CRMP1: variants seen among roughly 807,000 people sequenced by gnomAD.
CRMP1 encodes collapsin response mediator protein 1.
Under a neutral mutation model 68.3 loss-of-function variants are expected in CRMP1, and 19 were observed. That is an observed-to-expected ratio of 0.28 (90% confidence interval 0.19 to 0.41). The LOEUF (loss-of-function observed/expected upper bound fraction) is 0.41, where lower values mean the gene tolerates loss of function less well. Ranked by LOEUF, CRMP1 falls within the 10% of genes least tolerant of loss-of-function variation. The pLI is 1.00. For synonymous variants in CRMP1, 439 were observed against 399.6 expected, an observed-to-expected ratio of 1.10 and a Z score of -1.18; for missense variants, 791 against 967.4, an observed-to-expected ratio of 0.82 and a Z score of 2.42.
chr4:5,825,628 A>G lies in CRMP1; in HGVS notation c.1835T>C (p.Met612Thr). 1 of 1,609,922 alleles carries G rather than the reference A, an allele frequency of 6.2e-7. No homozygotes were observed. The highest frequency in any genetic ancestry group is 1.3e-5 in the African/African-American group (1 of 74,784). The change falls in exon 13 of 14, where the codon ATG becomes ACG. Residue 612 changes from methionine (M) to threonine (T), a missense_variant. Physicochemically the swap from Met to Thr is moderately conservative, Grantham distance 81. Around this residue, in one of 3 missense-constraint regions of CRMP1, gnomAD observed 594 missense variants for 763.6 expected, o/e 0.78. Transcript: ENST00000324989. The surrounding 1 kb of genome is among the most constrained non-coding windows in gnomAD (Gnocchi z 4.4). ...TACCTCGTACACAGGACCGTCATAC[A>G]TGCCCCTGGAAACCCCTTGCAATCC... ...VFGLQGVSRG[M>T]YDGPVYEVPA...
Position 5,891,719 on chromosome 4 carries a change from C to T in CRMP1, c.381+870G>A, listed in dbSNP as rs1715957641. 1.3e-5 allele frequency among the ~76,000 whole-genome samples: 2 copies of T among 152,224 alleles called. No homozygotes were observed. The highest frequency in any genetic ancestry group is 4.8e-5 in the African/African-American group (2 of 41,458). On this transcript the variant is annotated intron_variant, in intron 1 of 13. Coordinates refer to ENST00000324989, the MANE Select transcript of CRMP1 (RefSeq NM_001014809.3). This position sits in a 1 kb window ranked among gnomAD's most constrained non-coding sequence, Gnocchi z 5.2. ...CCGTTTTTCTGGCACCTGACCCTGGCTCTCGTCGGTCCATCCAAAGGCTAC... is the reference window on the plus strand; with the variant it reads ...CCGTTTTTCTGGCACCTGACCCTGGTTCTCGTCGGTCCATCCAAAGGCTAC...
rs566037677 is a variant in CRMP1 at position 5,871,608 on chromosome 4, C to T, written c.382-4852G>A. On this transcript the variant is annotated intron_variant, in intron 1 of 13. Transcript: ENST00000324989. The stretch of plus-strand genomic sequence containing the variant: ...AAGGGAGAAGGAGGTTGCAGTGAGC[C>T]GAGATCGCACCACTGCACTCCAGCC... 4.0e-5 allele frequency among the ~76,000 whole-genome samples: 6 copies of T among 151,864 alleles called. No homozygotes were observed. In the South Asian group the frequency reaches 8.3e-4, roughly 21 times the overall value.
intron 13 of CRMP1, chr4:5,824,940 C>A: frequency 2.0e-6 from 2 of 985,442 alleles, no homozygotes; most frequent in Non-Finnish European, 2.4e-6. Context: ...TGTTCCCACA[C>A]ATTTGTTGAG....
Position 5,841,175 on chromosome 4 carries a change from T to G in CRMP1, c.1153+133A>C. The G allele has an allele frequency of 7.4e-7, 1 of 1,348,706 alleles. No individual in the cohort carries two copies. The highest frequency in any genetic ancestry group is 1.0e-6 in the Non-Finnish European group (1 of 958,898). The allele number at this position is 1,348,706 out of a possible 1,614,324, so 83.5% of individuals were successfully genotyped here. A position where few individuals can be genotyped will look rare whatever the true frequency, so the allele number is the denominator to read the frequency against. ...AAGAATTCCAGCCACCATCCTTGTG[T>G]CAGGAGCATCCCCGCTCCACCCCTC... On this transcript the variant is annotated intron_variant, in intron 8 of 13. Coordinates refer to ENST00000324989, the MANE Select transcript of CRMP1 (RefSeq NM_001014809.3). The surrounding 1 kb of genome is among the most constrained non-coding windows in gnomAD (Gnocchi z 6.9).
In CRMP1 at chr4:5,860,146, G is replaced by A. The variant is rs1713428174; in HGVS notation, c.655+880C>T. ...CCCAACCTCACCAGGGCTCTCTGTGGCACAGTGTGCTCCTGTCAACTTTGG... is the reference window on the plus strand; with the variant it reads ...CCCAACCTCACCAGGGCTCTCTGTGACACAGTGTGCTCCTGTCAACTTTGG... On this transcript the variant is annotated intron_variant, in intron 3 of 13. Coordinates refer to ENST00000324989, the MANE Select transcript of CRMP1 (RefSeq NM_001014809.3). The surrounding 1 kb of genome is among the most constrained non-coding windows in gnomAD (Gnocchi z 4.2). Among the ~76,000 whole-genome samples, 2 of 152,206 alleles carry A rather than the reference G, an allele frequency of 1.3e-5. No individual in the cohort carries two copies. The highest frequency in any genetic ancestry group is 6.5e-5 in the Admixed American group (1 of 15,292).
chr4:5,888,795 G>A lies in CRMP1; in HGVS notation c.381+3794C>T. ...GGCGGCGCCACAGGTGTGTGGCCGC[G>A]CGTCTGGAGGCCTCCCCGGAACATC... On this transcript the variant is annotated intron_variant, in intron 1 of 13. Coordinates refer to ENST00000324989, the MANE Select transcript of CRMP1 (RefSeq NM_001014809.3). This position sits in a 1 kb window ranked among gnomAD's most constrained non-coding sequence, Gnocchi z 6.4. Among the ~76,000 whole-genome samples, 1 of 151,902 alleles carries A rather than the reference G, an allele frequency of 6.6e-6. No individual in the cohort carries two copies. The highest frequency in any genetic ancestry group is 2.4e-5 in the African/African-American group (1 of 41,364).
At chr4:5,886,773 AAAT>A (rs2152476571) in intron 1 of CRMP1, among the ~76,000 whole-genome samples, 1 of 152,330 alleles carries the variant, frequency 6.6e-6, no homozygotes, top group African/African-American at 2.4e-5. Context: ...GGACTTGTTC[AAAT>A]ATCACCTGCC....
rs901236195 is a variant in CRMP1 at position 5,843,842 on chromosome 4, C to T, written c.964-681G>A. On this transcript the variant is annotated intron_variant, in intron 6 of 13. Coordinates refer to ENST00000324989, the MANE Select transcript of CRMP1 (RefSeq NM_001014809.3). The surrounding 1 kb of genome is among the most constrained non-coding windows in gnomAD (Gnocchi z 4.1). ...CTCTTCCTGGCATCTGTCTTTATGG[C>T]GGGAAACCACTACCTGAAACTTATC... Among the ~76,000 whole-genome samples the T allele has an allele frequency of 2.6e-5, 4 of 152,160 alleles. No homozygotes were observed. Among genetic ancestry groups the T allele is most frequent in the African/African-American group, 9.7e-5 (4 of 41,432 alleles).
chr4:5,836,059 C>T lies in CRMP1; in HGVS notation c.1479G>A (p.Gln493=). ...CATTGGTGCTGGTGACAGCGACAAACTGGTTCTCATCCATTTTGCCAGTAG... is the reference window on the plus strand; with the variant it reads ...CATTGGTGCTGGTGACAGCGACAAATTGGTTCTCATCCATTTTGCCAGTAG... ...AVATGKMDEN[Q]FVAVTSTNAA... Residue 493 remains glutamine (Q), a synonymous_variant, in exon 11 of 14, where the codon CAG becomes CAA. Coordinates refer to ENST00000324989, the MANE Select transcript of CRMP1 (RefSeq NM_001014809.3). 6.5e-7 allele frequency: 1 copy of T among 1,547,362 alleles called. No individual in the cohort carries two copies. The highest frequency in any genetic ancestry group is 8.7e-7 in the Non-Finnish European group (1 of 1,148,134).
chr4:5,884,099 T>C (rs1198157867), intron 1 of CRMP1, among the ~76,000 whole-genome samples: 2 of 152,206 alleles, frequency 1.3e-5, no homozygotes, highest in Non-Finnish European at 2.9e-5. Context: ...TCCTAATCAC[T>C]GGCACATTTG....
At chr4:5,862,215 A>C (rs2152468337) in intron 2 of CRMP1, among the ~76,000 whole-genome samples, 1 of 152,262 alleles carries the variant, frequency 6.6e-6, no homozygotes, top group East Asian at 1.9e-4. Context: ...GCTTTTAATA[A>C]CCAATCCCTT....
intron 2 of CRMP1, among the ~76,000 whole-genome samples, chr4:5,862,660 G>A (rs1264214355): frequency 6.6e-6 from 1 of 152,238 alleles, no homozygotes; most frequent in East Asian, 1.9e-4. Context: ...GGTCCAGGCA[G>A]AAGGGCCGCT....
chr4:5,881,387 A>C lies in CRMP1; in HGVS notation c.381+11202T>G, dbSNP rs1312120313. On this transcript the variant is annotated intron_variant, in intron 1 of 13. Coordinates refer to ENST00000324989, the MANE Select transcript of CRMP1 (RefSeq NM_001014809.3). This position sits in a 1 kb window ranked among gnomAD's most constrained non-coding sequence, Gnocchi z 4.6. The stretch of plus-strand genomic sequence containing the variant: ...CTTACTGTACTCAGGACATACTTTC[A>C]AATCATATAAAATTTTGCAGCATTC... Among the ~76,000 whole-genome samples, 3 of 152,150 alleles carry C rather than the reference A, an allele frequency of 2.0e-5. No individual in the cohort carries two copies. Among genetic ancestry groups the C allele is most frequent in the Non-Finnish European group, 4.4e-5 (3 of 68,044 alleles).
Position 5,860,757 on chromosome 4 carries a change from A to G in CRMP1, c.655+269T>C, listed in dbSNP as rs188867992. On this transcript the variant is annotated intron_variant, in intron 3 of 13. Coordinates refer to ENST00000324989, the MANE Select transcript of CRMP1 (RefSeq NM_001014809.3). The surrounding 1 kb of genome is among the most constrained non-coding windows in gnomAD (Gnocchi z 4.2). The stretch of plus-strand genomic sequence containing the variant: ...CTCATGCTAAGCGATTATATCAATG[A>G]GATGTTGTTTTATTTCAATATTTTA... 6.6e-6 allele frequency among the ~76,000 whole-genome samples: 1 copy of G among 152,248 alleles called. No individual in the cohort carries two copies. Among genetic ancestry groups the G allele is most frequent in the Admixed American group, 6.5e-5 (1 of 15,288 alleles).
chr4:5,828,434 G>A, intron 12 of CRMP1, 55 bp downstream of exon 12: 1 of 1,585,090 alleles, frequency 6.3e-7, no homozygotes, highest in Non-Finnish European at 8.6e-7. Flanking sequence ...TTCCCCAAGA[G>A]ACGCTGTCGG....
At chr4:5,824,639 A>C (rs1051287871) in intron 13 of CRMP1, 4 of 947,174 alleles carry the variant, frequency 4.2e-6, no homozygotes, top group Non-Finnish European at 5.0e-6. Context: ...TACATTTTCA[A>C]ATGGCTATTG....
At chr4:5,845,896 G>C (rs777353505) in intron 6 of CRMP1, among the ~76,000 whole-genome samples, 8 of 152,114 alleles carry the variant, frequency 5.3e-5, no homozygotes, top group Non-Finnish European at 1.2e-4. Context: ...AAACAGTCTT[G>C]CGAAGAAACC....
chr4:5,846,228 G>A (rs1272456017), intron 6 of CRMP1, among the ~76,000 whole-genome samples: 1 of 152,144 alleles, frequency 6.6e-6, no homozygotes, highest in Non-Finnish European at 1.5e-5. Context: ...CCCAGGAGAC[G>A]GGGGCTGCAA....
chr4:5,857,136 CACCATCCACTATCATCACT>C (rs907990202), intron 3 of CRMP1, among the ~76,000 whole-genome samples: 1 of 151,772 alleles, frequency 6.6e-6, no homozygotes, highest in Non-Finnish European at 1.5e-5. Context: ...TCACCACCAC[CACCATCCACTATCATCACT>C]ACCATCCACT....
Sources: allele counts gnomAD v4.1 joint callset (sites outside exome capture counted in the v4.1 genomes callset), GRCh38; gene constraint gnomAD v4.1.1; regional missense constraint gnomAD v4.1.1; non-coding constraint Gnocchi (gnomAD v3.1); transcripts MANE v1.5; gene names NCBI Gene and HGNC (gene_info 2026-07-23, HGNC 2026-07-21).